Variants in TRMT13 observed in about 807,000 individuals in gnomAD.
The protein encoded by TRMT13 is tRNA:m(4)X modification enzyme TRM13 homolog.
Under a neutral mutation model 55.9 loss-of-function variants are expected in TRMT13, and 45 were observed. The observed-to-expected ratio is 0.80, with a 90% confidence interval of 0.63 to 1.03. The LOEUF is 1.03. Ranked by LOEUF, TRMT13 falls within the 50% of genes least tolerant of loss-of-function variation. The probability of loss-of-function intolerance (pLI) is 0.00; values close to 1 mark genes in which losing one functional copy is unlikely to be tolerated. For missense variants in TRMT13, 513 were observed against 563.9 expected, an observed-to-expected ratio of 0.91 and a Z score of 0.91; for synonymous variants, 183 against 196.3, an observed-to-expected ratio of 0.93 and a Z score of 0.57.
In TRMT13 at chr1:100,148,918, A is replaced by G. The variant is rs1028232740; in HGVS notation, c.*98A>G. 4 of 1,135,088 alleles carry G rather than the reference A, an allele frequency of 3.5e-6. No individual in the cohort carries two copies. The Admixed American group carries it at 1.0e-4, about 29-fold the overall frequency. 70.3% of individuals were successfully genotyped at this position (1,135,088 alleles called of 1,614,324 possible). ...ATATATACTTTAAATAGCAAATAATATGAACTTTAAAAAATGCTGTGGCCT... is the reference window on the plus strand; with the variant it reads ...ATATATACTTTAAATAGCAAATAATGTGAACTTTAAAAAATGCTGTGGCCT... On this transcript the variant is annotated 3_prime_UTR_variant, in exon 11 of 11. Coordinates refer to ENST00000370141, the MANE Select transcript of TRMT13 (RefSeq NM_019083.3).
At chr1:100,140,300 G>A (rs755950827) in intron 5 of TRMT13, 49 bp downstream of exon 5, 2 of 1,567,090 alleles carry the variant, frequency 1.3e-6, no homozygotes, top group Admixed American at 1.7e-5. Flanking sequence ...GTAATTAGGT[G>A]GTATATGAGT....
chr1:100,142,777 C>CT (rs927624582), intron 7 of TRMT13: 12 of 232,760 alleles, frequency 5.2e-5, no homozygotes, highest in Admixed American at 4.4e-4. Context: ...TGGTTGTGAT[C>CT]TTTCAGGAGA....
chr1:100,142,859 G>C (rs1051816617), intron 7 of TRMT13: 1 of 387,278 alleles, frequency 2.6e-6, no homozygotes, highest in African/African-American at 2.1e-5. Context: ...GACAATCTTA[G>C]ATAAATCACT....
intron 9 of TRMT13, chr1:100,144,505 C>T (rs192099007): frequency 1.6e-3 from 246 of 155,848 alleles, no homozygotes; most frequent in African/African-American, 5.7e-3. Context: ...TCAGAAACCT[C>T]TTCTACTAAA....
chr1:100,139,318 T>C (rs1331420501), intron 3 of TRMT13, among the ~76,000 whole-genome samples: 1 of 152,222 alleles, frequency 6.6e-6, no homozygotes, highest in Non-Finnish European at 1.5e-5. Flanking sequence ...GTGTATGCTG[T>C]CAACAGTCTA....
Position 100,149,414 on chromosome 1 carries a change from T to C in TRMT13, c.*594T>C. The C allele has an allele frequency of 6.5e-7, 1 of 1,544,634 alleles. No homozygotes were observed. Among genetic ancestry groups the C allele is most frequent in the Non-Finnish European group, 8.7e-7 (1 of 1,144,980 alleles). On this transcript the variant is annotated 3_prime_UTR_variant, in exon 11 of 11. Coordinates refer to ENST00000370141, the MANE Select transcript of TRMT13 (RefSeq NM_019083.3). The stretch of plus-strand genomic sequence containing the variant: ...TGTATATATTGTCAGAATCTGTCCA[T>C]GACAAACACAAAACTGAAGAGCTGT...
At chr1:100,139,429 A>T (rs1328867717) in intron 3 of TRMT13, among the ~76,000 whole-genome samples, 1 of 152,138 alleles carries the variant, frequency 6.6e-6, no homozygotes, top group Non-Finnish European at 1.5e-5. Context: ...ACGAACACAT[A>T]TTTTTGTCAC....
intron 9 of TRMT13, among the ~76,000 whole-genome samples, chr1:100,147,131 T>G (rs1192672739): frequency 6.6e-6 from 1 of 152,214 alleles, no homozygotes; most frequent in Non-Finnish European, 1.5e-5. Flanking sequence ...TTTGGGTCTT[T>G]CCAGTATTGT....
rs767113250 is a variant in TRMT13 at position 100,148,854 on chromosome 1, C to A, written c.*34C>A. The A allele has an allele frequency of 1.4e-5, 18 of 1,323,836 alleles. No homozygotes were observed. Among genetic ancestry groups the A allele is most frequent in the Non-Finnish European group, 1.8e-5 (18 of 1,022,912 alleles). 82.0% of individuals were successfully genotyped at this position (1,323,836 alleles called of 1,614,324 possible). On this transcript the variant is annotated 3_prime_UTR_variant, in exon 11 of 11. Transcript: ENST00000370141. Reference sequence around the variant, plus strand: ...AAATTTGAGCATCATCTGTCTTCCACCAAAAAAAATTTTTTAATTATATTT... The same window carrying A: ...AAATTTGAGCATCATCTGTCTTCCAACAAAAAAAATTTTTTAATTATATTT...
chr1:100,148,902 T>G lies in TRMT13; in HGVS notation c.*82T>G. 2 of 1,117,294 alleles carry G rather than the reference T, an allele frequency of 1.8e-6. No homozygotes were observed. The allele number at this position is 1,117,294 out of a possible 1,614,324, so 69.2% of individuals were successfully genotyped here. A position where few individuals can be genotyped will look rare whatever the true frequency, so the allele number is the denominator to read the frequency against. On this transcript the variant is annotated 3_prime_UTR_variant, in exon 11 of 11. Transcript: ENST00000370141. Reference sequence around the variant, plus strand: ...TTTTTATATCAAAAAAATATATACTTTAAATAGCAAATAATATGAACTTTA... The same window carrying G: ...TTTTTATATCAAAAAAATATATACTGTAAATAGCAAATAATATGAACTTTA...
At position 100,149,286 on chromosome 1, in the gene TRMT13, A is replaced by T; in HGVS notation, c.*466A>T. ...GGACATTTTTCCCTACAGATCTGGA[A>T]AGCACAATTGTGATTTTCTCAAATG... On this transcript the variant is annotated 3_prime_UTR_variant, in exon 11 of 11. Coordinates refer to ENST00000370141, the MANE Select transcript of TRMT13 (RefSeq NM_019083.3). 1.8e-5 allele frequency: 27 copies of T among 1,530,680 alleles called. No homozygotes were observed. The highest frequency in any genetic ancestry group is 2.4e-5 in the Non-Finnish European group (27 of 1,142,082). 94.8% of individuals were successfully genotyped at this position (1,530,680 alleles called of 1,614,324 possible). A position where few individuals can be genotyped will look rare whatever the true frequency, so the allele number is the denominator to read the frequency against.
intron 7 of TRMT13, chr1:100,142,887 A>G (rs890547959): frequency 2.2e-6 from 1 of 457,938 alleles, no homozygotes; most frequent in African/African-American, 2.0e-5. Context: ...TGTGAACTTC[A>G]GTTCCTTTGT....
chr1:100,140,495 C>A lies in TRMT13; in HGVS notation c.482C>A (p.Thr161Asn). ...GACCCTAAAAATGGCGATTCTGCAACCAAGCACCTGAAACAGCAGGTATGT... is the reference window on the plus strand; with the variant it reads ...GACCCTAAAAATGGCGATTCTGCAAACAAGCACCTGAAACAGCAGGTATGT... ...LNDPKNGDSA[T>N]KHLKQQASIL... Residue 161 changes from threonine to asparagine, a missense_variant, in exon 6 of 11, where the codon ACC becomes AAC. Transcript: ENST00000370141. The A allele has an allele frequency of 6.2e-7, 1 of 1,613,512 alleles. No individual in the cohort carries two copies. The highest frequency in any genetic ancestry group is 8.5e-7 in the Non-Finnish European group (1 of 1,179,484).
rs539486878 is a variant in TRMT13 at position 100,134,086 on chromosome 1, T to A, written c.147+771T>A. Among the ~76,000 whole-genome samples the A allele has an allele frequency of 5.2e-4, 79 of 151,626 alleles. 1 individual carries two copies. Among genetic ancestry groups the A allele is most frequent in the South Asian group, 1.5e-3 (7 of 4,796 alleles). On this transcript the variant is annotated intron_variant, in intron 1 of 10. Coordinates refer to ENST00000370141, the MANE Select transcript of TRMT13 (RefSeq NM_019083.3). The stretch of plus-strand genomic sequence containing the variant: ...CTGAATCTCAAAAAAGAAAAAAAAA[T>A]TTTTTTCGACTTACAGTTTTTAAGA...
Position 100,148,625 on chromosome 1 carries a change from G to T in TRMT13, c.1251G>T (p.Gly417=). Reference sequence around the variant, plus strand: ...TTTTGTGTGTGTTTATTCAATTTAGGCTTCTTAGTGTTGAAGAAAAGAAGA... The same window carrying T: ...TTTTGTGTGTGTTTATTCAATTTAGTCTTCTTAGTGTTGAAGAAAAGAAGA... ...ITDDGADCLP[G]LLSVEEKKKI... Residue 417 remains glycine, a splice_region_variant and synonymous_variant, in exon 11 of 11, where the codon GGG becomes GGT. Coordinates refer to ENST00000370141, the MANE Select transcript of TRMT13 (RefSeq NM_019083.3). The T allele has an allele frequency of 6.3e-7, 1 of 1,598,542 alleles. No individual in the cohort carries two copies. The highest frequency in any genetic ancestry group is 8.5e-7 in the Non-Finnish European group (1 of 1,175,808).
chr1:100,149,649 A>G lies in TRMT13; in HGVS notation c.*829A>G. 2.6e-6 allele frequency: 1 copy of G among 385,324 alleles called. No homozygotes were observed. The highest frequency in any genetic ancestry group is 3.9e-5 in the South Asian group (1 of 25,596). The allele number at this position is 385,324 out of a possible 1,614,324, so 23.9% of individuals were successfully genotyped here. On this transcript the variant is annotated 3_prime_UTR_variant, in exon 11 of 11. Coordinates refer to ENST00000370141, the MANE Select transcript of TRMT13 (RefSeq NM_019083.3). ...CTTCTGTTTGGGAAAATAATTTGGA[A>G]TAAAATAGAAATTAGATAATGAAAC...
chr1:100,145,229 A>T (rs1286360616), intron 9 of TRMT13, among the ~76,000 whole-genome samples: 2 of 152,226 alleles, frequency 1.3e-5, no homozygotes, highest in Non-Finnish European at 2.9e-5. Flanking sequence ...TCCTACAATG[A>T]TGAAATCGCC....
rs200758373 is a variant in TRMT13 at position 100,140,938 on chromosome 1, A to G, written c.588A>G (p.Leu196=). The change falls in exon 7 of 11, where the codon TTA becomes TTG. Residue 196 remains leucine, a synonymous_variant. Transcript: ENST00000370141. ...FVEFGAGKGK[L]SHWVDIALKD... is the part of the protein sequence containing the mutation. Reference sequence around the variant, plus strand: ...AGTTTGGAGCGGGAAAGGGAAAATTATCTCATTGGGTTGATATTGCCTTAA... The same window carrying G: ...AGTTTGGAGCGGGAAAGGGAAAATTGTCTCATTGGGTTGATATTGCCTTAA... The G allele has an allele frequency of 6.2e-7, 1 of 1,613,856 alleles. No individual in the cohort carries two copies. The highest frequency in any genetic ancestry group is 2.2e-5 in the East Asian group (1 of 44,812).
At chr1:100,141,595 G>T (rs149587868) in intron 7 of TRMT13, among the ~76,000 whole-genome samples, 2 of 152,108 alleles carry the variant, frequency 1.3e-5, no homozygotes, top group African/African-American at 4.8e-5. Flanking sequence ...CCCTTCCAAA[G>T]TGCTGGAATT....
Sources: allele counts gnomAD v4.1 joint callset (sites outside exome capture counted in the v4.1 genomes callset), GRCh38; gene constraint gnomAD v4.1.1; transcripts MANE v1.5; gene names NCBI Gene and HGNC (gene_info 2026-07-23, HGNC 2026-07-21).